Variants in DLC1 observed in about 807,000 individuals in gnomAD.
The protein encoded by DLC1 is DLC1 Rho GTPase activating protein.
In DLC1, 54 loss-of-function variants were observed where a neutral mutation model predicts 140.3. The ratio of observed to expected loss-of-function variants is 0.38; its 90% CI spans 0.31 to 0.48. The LOEUF (loss-of-function observed/expected upper bound fraction) is 0.48, where lower values mean the gene tolerates loss of function less well. Ranked by LOEUF, DLC1 falls within the 20% of genes least tolerant of loss-of-function variation. DLC1 has a pLI of 0.96. For synonymous variants in DLC1, 986 were observed against 728.1 expected (o/e 1.35, Z -5.70); for missense variants, 2,536 against 1,907.0 (o/e 1.33, Z -6.14).
At chr8:13,244,856 T>A (rs1031318263) in intron 5 of DLC1, among the ~76,000 whole-genome samples, 1 of 152,216 alleles carries the variant, frequency 6.6e-6, no homozygotes, top group African/African-American at 2.4e-5. Flanking sequence ...TCATATTCCC[T>A]CTCACACCTC....
intron 1 of DLC1, among the ~76,000 whole-genome samples, chr8:13,593,381 G>T (rs1248963119): frequency 1.3e-5 from 2 of 152,086 alleles, no homozygotes; most frequent in Non-Finnish European, 2.9e-5. Context: ...GCAATTCTTT[G>T]CTCCCCAGAA....
intron 1 of DLC1, among the ~76,000 whole-genome samples, chr8:13,552,696 A>G (rs1224983937): frequency 6.6e-6 from 1 of 151,758 alleles, no homozygotes; most frequent in South Asian, 2.1e-4. Context: ...CAAAATTACT[A>G]CAGGAAAATG....
chr8:13,558,508 A>G (rs62492130), intron 1 of DLC1: 1 of 151,852 alleles, frequency 6.6e-6, no homozygotes, highest in African/African-American at 2.4e-5. Context: ...TAAATATTTG[A>G]TATTTGCATT....
intron 5 of DLC1, among the ~76,000 whole-genome samples, chr8:13,124,632 G>A (rs1821398785): frequency 6.6e-6 from 1 of 152,202 alleles, no homozygotes; most frequent in East Asian, 1.9e-4. Context: ...AACAACTCCA[G>A]GAAAGAATCC....
chr8:13,116,957 T>C (rs1010994023), intron 5 of DLC1, among the ~76,000 whole-genome samples: 4 of 152,222 alleles, frequency 2.6e-5, no homozygotes, highest in African/African-American at 7.2e-5. Context: ...GAGCGAATGA[T>C]AGTGACATCA....
intron 4 of DLC1, among the ~76,000 whole-genome samples, chr8:13,370,776 A>C (rs1266151264): frequency 6.6e-6 from 1 of 152,102 alleles, no homozygotes; most frequent in Non-Finnish European, 1.5e-5. Context: ...CCCAAGCCTC[A>C]TATTCTTGTT....
intron 2 of DLC1, among the ~76,000 whole-genome samples, chr8:13,474,060 C>T (rs1800326769): frequency 6.6e-6 from 1 of 152,178 alleles, no homozygotes; most frequent in Non-Finnish European, 1.5e-5. Flanking sequence ...GTCTCCAGGG[C>T]ATGTCACAGG....
At chr8:13,476,547 T>C (rs929025529) in intron 2 of DLC1, among the ~76,000 whole-genome samples, 1 of 151,444 alleles carries the variant, frequency 6.6e-6, no homozygotes, top group African/African-American at 2.4e-5. Flanking sequence ...GAGAGGGACG[T>C]GGGGAGCTAA....
chr8:13,583,537 C>T (rs931867078), intron 1 of DLC1, among the ~76,000 whole-genome samples: 4 of 152,080 alleles, frequency 2.6e-5, no homozygotes, highest in South Asian at 2.1e-4. Flanking sequence ...TCAAAGTAAT[C>T]CAGGAGGGTT....
At chr8:13,378,467 T>C (rs1836097874) in intron 4 of DLC1, among the ~76,000 whole-genome samples, 1 of 152,032 alleles carries the variant, frequency 6.6e-6, no homozygotes, top group Non-Finnish European at 1.5e-5. Flanking sequence ...CTAAAATATC[T>C]GTATTGGGTG....
chr8:13,126,706 T>C (rs1255799876), intron 5 of DLC1, among the ~76,000 whole-genome samples: 1 of 152,210 alleles, frequency 6.6e-6, no homozygotes, highest in Non-Finnish European at 1.5e-5. Context: ...GTCTCTATTA[T>C]TAAAAGTTGG....
At chr8:13,270,762 AC>A (rs1269600255) in intron 5 of DLC1, among the ~76,000 whole-genome samples, 1 of 151,922 alleles carries the variant, frequency 6.6e-6, no homozygotes, top group Non-Finnish European at 1.5e-5. Context: ...TGGTTGAACC[AC>A]TTTTGCCCAA....
rs1823743491 is a variant in DLC1, at chr8:13,150,730, G to T, written c.1349-35073C>A. ...GTGCTTTTCAGTAACAGTTTAATGTGCATGAAACAAAAACTCAGATAAAGG... is the reference window on the plus strand; with the variant it reads ...GTGCTTTTCAGTAACAGTTTAATGTTCATGAAACAAAAACTCAGATAAAGG... On this transcript the variant is annotated intron_variant, in intron 5 of 17. Transcript: ENST00000276297. Among the ~76,000 whole-genome samples, 3 of 152,322 alleles carry T rather than the reference G, an allele frequency of 2.0e-5. No homozygotes were observed. The South Asian group carries it at 6.2e-4, about 32-fold the overall frequency.
chr8:13,449,092 C>T (rs1052028328), intron 2 of DLC1, among the ~76,000 whole-genome samples: 9 of 152,234 alleles, frequency 5.9e-5, no homozygotes, highest in Admixed American at 2.0e-4. Context: ...ACAATCATTC[C>T]AGAGGTTAAC....
chr8:13,293,379 A>T (rs1457415427), intron 5 of DLC1, among the ~76,000 whole-genome samples: 5 of 152,248 alleles, frequency 3.3e-5, no homozygotes, highest in African/African-American at 1.2e-4. Flanking sequence ...GCACTGATTT[A>T]TAAGAGTGAG....
intron 1 of DLC1, among the ~76,000 whole-genome samples, chr8:13,560,398 T>A (rs17094649): frequency 0.058 from 8,767 of 152,246 alleles, 667 homozygotes; most frequent in East Asian, 0.28. Context: ...TGTGATAGGG[T>A]CAGAGAATAT....
intron 5 of DLC1, among the ~76,000 whole-genome samples, chr8:13,140,899 CT>C (rs1256710519): frequency 6.6e-6 from 1 of 152,078 alleles, no homozygotes; most frequent in African/African-American, 2.4e-5. Flanking sequence ...TTCTAGCTGT[CT>C]TATTTTTCTC....
intron 4 of DLC1, among the ~76,000 whole-genome samples, chr8:13,381,154 A>C (rs1214441270): frequency 6.6e-6 from 1 of 152,086 alleles, no homozygotes; most frequent in Non-Finnish European, 1.5e-5. Context: ...GTATGAGCTA[A>C]ATTCTTAAAT....
At chr8:13,336,293 T>G (rs551106697) in intron 4 of DLC1, among the ~76,000 whole-genome samples, 3 of 152,224 alleles carry the variant, frequency 2.0e-5, no homozygotes, top group South Asian at 4.2e-4. Context: ...GACACTGTGG[T>G]TGATTATTGA....
Sources: gnomAD v4.1 joint callset for allele counts (sites outside exome capture counted in the v4.1 genomes callset) on GRCh38, gnomAD v4.1.1 for gene constraint, MANE v1.5 for transcripts, NCBI Gene and HGNC (gene_info 2026-07-23, HGNC 2026-07-21) for gene names.